The following RBFOX1 variants were observed in gnomAD, a reference collection of about 807,000 sequenced individuals.
The protein encoded by RBFOX1 is RNA binding fox-1 homolog 1, also known as RNA binding protein fox-1 homolog 1.
A neutral mutation model predicts 57.7 loss-of-function variants in RBFOX1; 8 were observed. The ratio of observed to expected loss-of-function variants is 0.14; its 90% CI spans 0.08 to 0.25. The LOEUF is 0.25. Ranked by LOEUF, RBFOX1 falls within the 10% of genes least tolerant of loss-of-function variation. The pLI is 1.00. For missense variants in RBFOX1, 611 were observed against 548.5 expected (o/e 1.11, Z -1.14); for synonymous variants, 326 against 222.4 (o/e 1.47, Z -4.15).
intron 2 of RBFOX1, among the ~76,000 whole-genome samples, chr16:6,561,813 T>C (rs1021907224): frequency 6.6e-6 from 1 of 152,128 alleles, no homozygotes; most frequent in Non-Finnish European, 1.5e-5. Flanking sequence ...TAGGGGCCAG[T>C]TTTTTAGTTG....
chr16:5,517,857 C>T (rs1471724634), intron 2 of RBFOX1, among the ~76,000 whole-genome samples: 1 of 151,894 alleles, frequency 6.6e-6, no homozygotes, highest in African/African-American at 2.4e-5. Context: ...TACACACACA[C>T]ACACACGTAC....
intron 2 of RBFOX1, among the ~76,000 whole-genome samples, chr16:6,645,509 C>T (rs530900629): frequency 2.0e-5 from 3 of 152,204 alleles, no homozygotes; most frequent in East Asian, 1.9e-4. Context: ...GCATGAATAA[C>T]CCTGACCTAC....
chr16:6,531,985 T>C (rs2096664323), intron 2 of RBFOX1, among the ~76,000 whole-genome samples: 1 of 152,172 alleles, frequency 6.6e-6, no homozygotes, highest in Non-Finnish European at 1.5e-5. Flanking sequence ...GCAGTGTTGG[T>C]AGCATGACAG....
chr16:7,567,599 A>G (rs1239387216), intron 5 of RBFOX1, among the ~76,000 whole-genome samples: 1 of 22,744 alleles, frequency 4.4e-5, no homozygotes, highest in East Asian at 5.4e-4. Flanking sequence ...GGCCCTATAT[A>G]TATATCCCTT....
At chr16:7,021,133 A>C (rs114794136) in intron 3 of RBFOX1, among the ~76,000 whole-genome samples, 2,519 of 152,096 alleles carry the variant, frequency 0.017, 47 homozygotes, top group East Asian at 0.082. Flanking sequence ...TTTTCAAAAA[A>C]ATTGTTTTTT....
chr16:5,606,157 G>C (rs1451155980), intron 3 of RBFOX1, among the ~76,000 whole-genome samples: 1 of 152,268 alleles, frequency 6.6e-6, no homozygotes, highest in East Asian at 1.9e-4. Flanking sequence ...TGTGATGTGA[G>C]AGTAGAGAGC....
chr16:5,273,233 T>C (rs1406163748), intron 1 of RBFOX1, among the ~76,000 whole-genome samples: 1 of 152,034 alleles, frequency 6.6e-6, no homozygotes, highest in Non-Finnish European at 1.5e-5. Flanking sequence ...AATTTTTTTT[T>C]TTTTTTGGTG....
chr16:6,336,181 ATTTTTTTTTTTTTTTTTTTTT>A (rs1156246510), intron 2 of RBFOX1, among the ~76,000 whole-genome samples: 5 of 27,022 alleles, frequency 1.9e-4, no homozygotes, highest in Non-Finnish European at 2.5e-4. Flanking sequence ...ATATATATAT[ATTTTTTTTTTTTTTTTTTTTT>A]TTTTTTTTTT....
At chr16:6,681,263 A>T (rs2058609522) in intron 3 of RBFOX1, among the ~76,000 whole-genome samples, 1 of 152,188 alleles carries the variant, frequency 6.6e-6, no homozygotes, top group Non-Finnish European at 1.5e-5. Context: ...AGTTGCAGTG[A>T]GCCAGGATCA....
intron 4 of RBFOX1, among the ~76,000 whole-genome samples, chr16:7,213,123 G>T (rs868702353): frequency 6.6e-6 from 1 of 152,128 alleles, no homozygotes; most frequent in Non-Finnish European, 1.5e-5. Context: ...GAGGGACATA[G>T]GTTATCCAGA....
chr16:7,698,239 G>T (rs1223499760), intron 14 of RBFOX1, among the ~76,000 whole-genome samples: 1 of 151,222 alleles, frequency 6.6e-6, no homozygotes, highest in Non-Finnish European at 1.5e-5. Context: ...GTGGAGGCTG[G>T]GACTCACTAG....
chr16:6,933,015 T>G (rs1384757017), intron 3 of RBFOX1, among the ~76,000 whole-genome samples: 1 of 152,254 alleles, frequency 6.6e-6, no homozygotes, highest in Non-Finnish European at 1.5e-5. Context: ...TGTTACTGGT[T>G]TATTTCACTT....
intron 2 of RBFOX1, among the ~76,000 whole-genome samples, chr16:5,563,460 T>G (rs182131358): frequency 6.6e-6 from 1 of 152,322 alleles, no homozygotes; most frequent in Non-Finnish European, 1.5e-5. Flanking sequence ...AATATTTTAT[T>G]TTCTGAAATA....
At chr16:5,402,730 C>T (rs185469871) in intron 1 of RBFOX1, among the ~76,000 whole-genome samples, 1 of 152,058 alleles carries the variant, frequency 6.6e-6, no homozygotes, top group African/African-American at 2.4e-5. Flanking sequence ...TTAAAGAGAC[C>T]CTCTTAAGTG....
chr16:6,792,045 T>C (rs1179427009), intron 3 of RBFOX1, among the ~76,000 whole-genome samples: 2 of 152,158 alleles, frequency 1.3e-5, no homozygotes, highest in Admixed American at 6.5e-5. Flanking sequence ...TTACCCTGAA[T>C]TGCGTTTCAC....
intron 4 of RBFOX1, among the ~76,000 whole-genome samples, chr16:7,352,651 G>T (rs1291547145): frequency 6.6e-6 from 1 of 152,036 alleles, no homozygotes; most frequent in Non-Finnish European, 1.5e-5. Flanking sequence ...CCTGGTGCAG[G>T]GATTCTGAAG....
chr16:6,894,597 C>T (rs997173094), intron 3 of RBFOX1, among the ~76,000 whole-genome samples: 3 of 152,322 alleles, frequency 2.0e-5, no homozygotes, highest in Admixed American at 6.5e-5. Flanking sequence ...ATTTGGGGTT[C>T]TCAGTGCAAT....
intron 1 of RBFOX1, among the ~76,000 whole-genome samples, chr16:5,361,589 G>C (rs1483504557): frequency 6.6e-6 from 1 of 152,208 alleles, no homozygotes; most frequent in Non-Finnish European, 1.5e-5. Flanking sequence ...TCAAGACAGT[G>C]ACAGCAGAAC....
chr16:6,749,743 C>G (rs924971848), intron 3 of RBFOX1, among the ~76,000 whole-genome samples: 1 of 152,138 alleles, frequency 6.6e-6, no homozygotes, highest in Non-Finnish European at 1.5e-5. Flanking sequence ...AGAATAACAG[C>G]GACTTGGAAA....
Sources: allele counts gnomAD v4.1 joint callset (sites outside exome capture counted in the v4.1 genomes callset), GRCh38; gene constraint gnomAD v4.1.1; transcripts MANE v1.5; gene names NCBI Gene and HGNC (gene_info 2026-07-23, HGNC 2026-07-21).